The following ST3GAL4 variants were observed in gnomAD, a reference collection of about 807,000 sequenced individuals.
ST3GAL4 encodes the protein ST3 beta-galactoside alpha-2,3-sialyltransferase 4, also known as CMP-N-acetylneuraminate-beta-galactosamide-alpha-2,3-sialyltransferase 4.
A neutral mutation model predicts 42.6 loss-of-function variants in ST3GAL4; 24 were observed. That is an observed-to-expected ratio of 0.56 (90% CI 0.41 to 0.79). The LOEUF is 0.79. ST3GAL4 is among the 30% of genes least tolerant of loss of function. The pLI, the probability that ST3GAL4 is intolerant of heterozygous loss-of-function variation, is 0.00. For synonymous variants in ST3GAL4, 135 were observed against 163.2 expected (o/e 0.83, Z 1.32); for missense variants, 311 against 430.8 (o/e 0.72, Z 2.46).
Position 126,398,690 on chromosome 11 carries a change from G to C in ST3GAL4, c.-60-7406G>C, listed in dbSNP as rs537645432. Among the ~76,000 whole-genome samples, 28 of 152,374 alleles carry C rather than the reference G, an allele frequency of 1.8e-4. No homozygotes were observed. Among genetic ancestry groups the C allele is most frequent in the African/African-American group, 6.0e-4 (25 of 41,582 alleles). On this transcript the variant is annotated intron_variant, in intron 1 of 10. Coordinates refer to ENST00000444328, the MANE Select transcript of ST3GAL4 (RefSeq NM_001254757.2). This position sits in a 1 kb window ranked among gnomAD's most constrained non-coding sequence, Gnocchi z 4.7. ...CAACCAGTCTCTGCCTGGGTCCCGAGTCTGTCCGCAATATCCTTTGAAATC... is the reference window on the plus strand; with the variant it reads ...CAACCAGTCTCTGCCTGGGTCCCGACTCTGTCCGCAATATCCTTTGAAATC...
At chr11:126,408,538 G>A (rs377303531) in intron 8 of ST3GAL4, 42 bp downstream of exon 8, 1 of 1,607,134 alleles carries the variant, frequency 6.2e-7, no homozygotes. Flanking sequence ...CTGGCGGTGG[G>A]GACGCTGCCC....
intron 1 of ST3GAL4, among the ~76,000 whole-genome samples, chr11:126,371,393 G>C (rs957329645): frequency 1.3e-5 from 2 of 151,032 alleles, no homozygotes; most frequent in African/African-American, 2.4e-5. Context: ...TCAAACTCCT[G>C]ACCTCATGAT....
At chr11:126,375,497 T>G (rs532659742) in intron 1 of ST3GAL4, among the ~76,000 whole-genome samples, 165 of 152,076 alleles carry the variant, frequency 1.1e-3, no homozygotes, top group African/African-American at 3.3e-3. Flanking sequence ...CTGGCTGAAG[T>G]AGCCAGAATT....
At chr11:126,389,760 T>C (rs1953400936) in intron 1 of ST3GAL4, among the ~76,000 whole-genome samples, 1 of 152,068 alleles carries the variant, frequency 6.6e-6, no homozygotes. Flanking sequence ...TATTTTTTTA[T>C]TTTTTAAATA....
At chr11:126,389,688 C>T (rs1467689395) in intron 1 of ST3GAL4, among the ~76,000 whole-genome samples, 2 of 152,156 alleles carry the variant, frequency 1.3e-5, no homozygotes, top group Non-Finnish European at 2.9e-5. Context: ...CCTTAGTTAG[C>T]CTCCTGAGGA....
chr11:126,403,369 A>G (rs1178298916), intron 1 of ST3GAL4: 1 of 980,844 alleles, frequency 1.0e-6, no homozygotes. Flanking sequence ...TCTGACGCCA[A>G]AGGTTTTTCC....
At chr11:126,372,597 G>A (rs1252471594) in intron 1 of ST3GAL4, among the ~76,000 whole-genome samples, 1 of 151,886 alleles carries the variant, frequency 6.6e-6, no homozygotes, top group Non-Finnish European at 1.5e-5. Context: ...TGTATTTTCA[G>A]TAGATACAGG....
At chr11:126,401,850 G>A (rs187741204) in intron 1 of ST3GAL4, among the ~76,000 whole-genome samples, 1 of 152,266 alleles carries the variant, frequency 6.6e-6, no homozygotes, top group East Asian at 1.9e-4. Context: ...AAGTGAGGGT[G>A]TAGTAGAGGG....
intron 1 of ST3GAL4, among the ~76,000 whole-genome samples, chr11:126,385,502 G>T (rs951830423): frequency 1.3e-5 from 2 of 152,150 alleles, no homozygotes; most frequent in Admixed American, 6.5e-5. Flanking sequence ...TTTCATGGGT[G>T]CATAGAGTAT....
chr11:126,360,981 C>T (rs1952223461), intron 1 of ST3GAL4, among the ~76,000 whole-genome samples: 1 of 152,226 alleles, frequency 6.6e-6, no homozygotes, highest in African/African-American at 2.4e-5. Context: ...TCTGTTCAGA[C>T]CTCAGAGAGG....
rs1036406199 is a variant in ST3GAL4, at chr11:126,366,214, A to G, written c.-61+10372A>G. 6.6e-6 allele frequency among the ~76,000 whole-genome samples: 1 copy of G among 152,160 alleles called. No homozygotes were observed. The highest frequency in any genetic ancestry group is 6.5e-5 in the Admixed American group (1 of 15,282). ...GCCAGAGCTGGGGTGGGAGGAACCC[A>G]GTGGGCCTGGGGGAGGTAAAGCAGC... On this transcript the variant is annotated intron_variant, in intron 1 of 10. Transcript: ENST00000444328. This position sits in a 1 kb window ranked among gnomAD's most constrained non-coding sequence, Gnocchi z 4.2.
chr11:126,361,246 G>C (rs1952231145), intron 1 of ST3GAL4, among the ~76,000 whole-genome samples: 1 of 152,236 alleles, frequency 6.6e-6, no homozygotes, highest in Non-Finnish European at 1.5e-5. Flanking sequence ...AGCTTTGGAA[G>C]AGCGAGGGGT....
At chr11:126,408,558 C>T in intron 8 of ST3GAL4, 62 bp downstream of exon 8, 1 of 1,572,144 alleles carries the variant, frequency 6.4e-7, no homozygotes, top group Non-Finnish European at 8.7e-7. Context: ...CGAGTCAGGA[C>T]CTCACGCTCC....
chr11:126,392,296 A>C lies in ST3GAL4; in HGVS notation c.-60-13800A>C. ...TCCTCAAGCCTGCAGCTCTCCTGGG[A>C]CTGCACAGAGTTTACTGTCGGACAT... On this transcript the variant is annotated intron_variant, in intron 1 of 10. Coordinates refer to ENST00000444328, the MANE Select transcript of ST3GAL4 (RefSeq NM_001254757.2). This position sits in a 1 kb window ranked among gnomAD's most constrained non-coding sequence, Gnocchi z 5.8. 1 of 985,162 alleles carries C rather than the reference A, an allele frequency of 1.0e-6. No homozygotes were observed. The highest frequency in any genetic ancestry group is 1.2e-6 in the Non-Finnish European group (1 of 829,290). The allele number at this position is 985,162 out of a possible 1,614,324, so 61.0% of individuals were successfully genotyped here.
At chr11:126,385,811 A>G (rs1953203510) in intron 1 of ST3GAL4, among the ~76,000 whole-genome samples, 1 of 151,814 alleles carries the variant, frequency 6.6e-6, no homozygotes, top group South Asian at 2.1e-4. Flanking sequence ...CAGGAGTTTG[A>G]GGCCACCCTA....
In ST3GAL4 at chr11:126,408,464, T is replaced by C. The variant is rs1458371414; in HGVS notation, c.595T>C (p.Trp199Arg). Residue 199 changes from tryptophan (W) to arginine (R), a missense_variant, in exon 8 of 11, where the codon TGG becomes CGG. Physicochemically the swap from Trp to Arg is moderately radical, Grantham distance 101. Coordinates refer to ENST00000444328, the MANE Select transcript of ST3GAL4 (RefSeq NM_001254757.2). Reference sequence around the variant, plus strand: ...AGCTTTCAAGGCAATGGACTTCCACTGGATTGAGACCATCCTGAGTGATAA... The same window carrying C: ...AGCTTTCAAGGCAATGGACTTCCACCGGATTGAGACCATCCTGAGTGATAA... ...LVAFKAMDFHWIETILSDKKR... is the reference protein window; with the variant it reads ...LVAFKAMDFHRIETILSDKKR... 6.2e-7 allele frequency: 1 copy of C among 1,614,208 alleles called. No individual in the cohort carries two copies. Among genetic ancestry groups the C allele is most frequent in the African/African-American group, 1.3e-5 (1 of 75,064 alleles).
Position 126,376,057 on chromosome 11 carries a change from A to G in ST3GAL4, c.-61+20215A>G, listed in dbSNP as rs944782617. On this transcript the variant is annotated intron_variant, in intron 1 of 10. Coordinates refer to ENST00000444328, the MANE Select transcript of ST3GAL4 (RefSeq NM_001254757.2). The surrounding 1 kb of genome is among the most constrained non-coding windows in gnomAD (Gnocchi z 5.1). ...TGGCAGTTTAATAGAATCTAGAGATATAAAGAAGTTCCTGACCACAGAGTT... is the reference window on the plus strand; with the variant it reads ...TGGCAGTTTAATAGAATCTAGAGATGTAAAGAAGTTCCTGACCACAGAGTT... Among the ~76,000 whole-genome samples the G allele has an allele frequency of 7.9e-5, 12 of 152,190 alleles. No individual in the cohort carries two copies. Among genetic ancestry groups the G allele is most frequent in the African/African-American group, 2.9e-4 (12 of 41,456 alleles).
At chr11:126,380,134 T>C (rs761157510) in intron 1 of ST3GAL4, among the ~76,000 whole-genome samples, 10 of 151,840 alleles carry the variant, frequency 6.6e-5, no homozygotes, top group Non-Finnish European at 1.0e-4. Context: ...TGGTGACACA[T>C]GCCTGTAATC....
chr11:126,359,530 CCCCATG>C lies in ST3GAL4; in HGVS notation c.-61+3689_-61+3694del, dbSNP rs1224531518. ...TGCCCCCTGGAGTTTGCTCATTTTG[CCCCATG>C]AAGAAACAGATCCCAGCTCAAAGGC... On this transcript the variant is annotated intron_variant, in intron 1 of 10. Transcript: ENST00000444328. This position sits in a 1 kb window ranked among gnomAD's most constrained non-coding sequence, Gnocchi z 4.8. Among the ~76,000 whole-genome samples the C allele has an allele frequency of 4.6e-5, 7 of 152,172 alleles. No homozygotes were observed. Among genetic ancestry groups the C allele is most frequent in the Non-Finnish European group, 1.0e-4 (7 of 68,038 alleles).
Sources: gnomAD v4.1 joint callset for allele counts (sites outside exome capture counted in the v4.1 genomes callset) on GRCh38, gnomAD v4.1.1 for gene constraint, Gnocchi (gnomAD v3.1) non-coding constraint, MANE v1.5 for transcripts, NCBI Gene and HGNC (gene_info 2026-07-23, HGNC 2026-07-21) for gene names.